The following CLMP variants were observed in gnomAD, a reference collection of about 807,000 sequenced individuals.
The protein encoded by CLMP is CXADR like cell adhesion molecule.
A neutral mutation model predicts 45.2 loss-of-function variants in CLMP; 27 were observed. The ratio of observed to expected loss-of-function variants is 0.60; its 90% confidence interval spans 0.44 to 0.82. The LOEUF (loss-of-function observed/expected upper bound fraction) is 0.82. Among genes scored for constraint, CLMP ranks in the 40% least tolerant of loss-of-function variants. The pLI is 0.00. For synonymous variants in CLMP, 167 were observed against 171.4 expected (o/e 0.97, Z 0.20); for missense variants, 403 against 448.4 (o/e 0.90, Z 0.91).
intron 1 of CLMP, among the ~76,000 whole-genome samples, chr11:123,146,738 C>T (rs1274791214): frequency 6.6e-6 from 1 of 152,114 alleles, no homozygotes; most frequent in Admixed American, 6.5e-5. Flanking sequence ...TCATTGTCAC[C>T]CCCAGACCTG....
chr11:123,179,966 C>T (rs934421697), intron 1 of CLMP, among the ~76,000 whole-genome samples: 1 of 152,200 alleles, frequency 6.6e-6, no homozygotes, highest in African/African-American at 2.4e-5. Flanking sequence ...AGGCCTCACC[C>T]TAGACTTAAA....
intron 1 of CLMP, among the ~76,000 whole-genome samples, chr11:123,099,502 T>C (rs1356607447): frequency 1.3e-5 from 2 of 152,202 alleles, no homozygotes; most frequent in Non-Finnish European, 2.9e-5. Flanking sequence ...AAACAGAGTA[T>C]GTAAATCATC....
In CLMP at chr11:123,128,359, C is replaced by G. The variant is rs936633828; in HGVS notation, c.29-30407G>C. Among the ~76,000 whole-genome samples, 3 of 114,436 alleles carry G rather than the reference C, an allele frequency of 2.6e-5. No homozygotes were observed. In the South Asian group the frequency reaches 7.7e-4, roughly 30 times the overall value. The allele number at this position is 114,436 out of a possible 152,430, so 75.1% of individuals were successfully genotyped here. ...GGCCTGTAATCCTGGCATGGTGGCC[C>G]AGGCCTGTAATGCCAGCATGGTAGC... On this transcript the variant is annotated intron_variant, in intron 1 of 6. Transcript: ENST00000448775.
At chr11:123,123,946 A>G (rs1212313971) in intron 1 of CLMP, among the ~76,000 whole-genome samples, 5 of 152,192 alleles carry the variant, frequency 3.3e-5, no homozygotes, top group African/African-American at 1.2e-4. Flanking sequence ...GGAGAAAGGC[A>G]GGAACGAGCT....
intron 1 of CLMP, among the ~76,000 whole-genome samples, chr11:123,137,814 A>G (rs1861100483): frequency 6.6e-6 from 1 of 152,110 alleles, no homozygotes; most frequent in African/African-American, 2.4e-5. Flanking sequence ...GATTGAAACC[A>G]CATGTGCTGG....
intron 1 of CLMP, among the ~76,000 whole-genome samples, chr11:123,186,819 C>A (rs1366771394): frequency 6.6e-6 from 1 of 152,112 alleles, no homozygotes; most frequent in African/African-American, 2.4e-5. Context: ...CAGAGCCTGG[C>A]CAGAATCTGT....
intron 1 of CLMP, among the ~76,000 whole-genome samples, chr11:123,145,944 C>A (rs1365392742): frequency 2.6e-5 from 4 of 152,210 alleles, no homozygotes; most frequent in African/African-American, 9.6e-5. Flanking sequence ...GAGGGGAAGG[C>A]CCATAACCCC....
intron 5 of CLMP, among the ~76,000 whole-genome samples, chr11:123,080,093 A>C (rs1227347112): frequency 6.6e-6 from 1 of 152,182 alleles, no homozygotes; most frequent in Non-Finnish European, 1.5e-5. Flanking sequence ...TTAAAATAAA[A>C]CATAAAACAT....
chr11:123,120,729 T>C (rs115933133), intron 1 of CLMP, among the ~76,000 whole-genome samples: 3,440 of 152,294 alleles, frequency 0.023, 137 homozygotes, highest in African/African-American at 0.077. Flanking sequence ...TCTTCCATTA[T>C]GTCTCTCAGG....
chr11:123,168,415 A>T (rs1861588325), intron 1 of CLMP, among the ~76,000 whole-genome samples: 1 of 152,140 alleles, frequency 6.6e-6, no homozygotes, highest in Non-Finnish European at 1.5e-5. Flanking sequence ...TTTTCTCTGA[A>T]AGCCCTCTCT....
rs117955833 is a variant in CLMP, at chr11:123,158,417, G to C, written c.28+36496C>G. Among the ~76,000 whole-genome samples, 857 of 152,340 alleles carry C rather than the reference G, an allele frequency of 5.6e-3. 3 individuals are homozygous for C. The highest frequency in any genetic ancestry group is 0.01 in the Non-Finnish European group (696 of 68,030). On this transcript the variant is annotated intron_variant, in intron 1 of 6. Transcript: ENST00000448775. Reference sequence around the variant, plus strand: ...CGAATTCAGGATCGGCGGAAGGTTTGAGTGCCAGTCTCCTCCAATGTTAGA... The same window carrying C: ...CGAATTCAGGATCGGCGGAAGGTTTCAGTGCCAGTCTCCTCCAATGTTAGA...
intron 1 of CLMP, among the ~76,000 whole-genome samples, chr11:123,112,653 T>G (rs1860655866): frequency 6.6e-6 from 1 of 151,720 alleles, no homozygotes; most frequent in East Asian, 2.0e-4. Context: ...CAGGCCAATT[T>G]CATATTTAAA....
chr11:123,145,506 A>C (rs1030434208), intron 1 of CLMP, among the ~76,000 whole-genome samples: 1 of 134,528 alleles, frequency 7.4e-6, no homozygotes, highest in African/African-American at 2.7e-5. Flanking sequence ...CCTGTTGCCC[A>C]AGCTGGAGTG....
intron 1 of CLMP, among the ~76,000 whole-genome samples, chr11:123,125,592 C>CTTCTT (rs1835516088): frequency 7.9e-6 from 1 of 127,352 alleles, no homozygotes; most frequent in African/African-American, 2.8e-5. Flanking sequence ...TCCTTTCTTT[C>CTTCTT]TTCTTTTCTT....
At chr11:123,192,024 A>G (rs541648266) in intron 1 of CLMP, among the ~76,000 whole-genome samples, 61 of 152,348 alleles carry the variant, frequency 4.0e-4, no homozygotes, top group African/African-American at 1.4e-3. Context: ...AGGAAGTGGC[A>G]TTTGAGGTGA....
Position 123,106,816 on chromosome 11 carries a change from C to T in CLMP, c.29-8864G>A, listed in dbSNP as rs189160030. The stretch of plus-strand genomic sequence containing the variant: ...TGGGCGGATCACGAGGTCAGGAGAT[C>T]GAGACCATCCTGGCTAACACAGTGA... On this transcript the variant is annotated intron_variant, in intron 1 of 6. Coordinates refer to ENST00000448775, the MANE Select transcript of CLMP (RefSeq NM_024769.5). Among the ~76,000 whole-genome samples, 912 of 151,812 alleles carry T rather than the reference C, an allele frequency of 6.0e-3. 11 individuals carry two copies. Among genetic ancestry groups the T allele is most frequent in the African/African-American group, 0.02 (832 of 41,416 alleles).
chr11:123,106,145 A>AT lies in CLMP; in HGVS notation c.29-8194dup, dbSNP rs771578861. On this transcript the variant is annotated intron_variant, in intron 1 of 6. Coordinates refer to ENST00000448775, the MANE Select transcript of CLMP (RefSeq NM_024769.5). ...TGAGATTTTATTGTGATTTTATTCTATTTTTTTTTTTAGCTCATCAGCTGT... is the reference window on the plus strand; with the variant it reads ...TGAGATTTTATTGTGATTTTATTCTATTTTTTTTTTTTAGCTCATCAGCTGT... Among the ~76,000 whole-genome samples, 450 of 146,180 alleles carry AT rather than the reference A, an allele frequency of 3.1e-3. 3 individuals carry two copies. The highest frequency in any genetic ancestry group is 7.1e-3 in the Middle Eastern group (2 of 282).
intron 1 of CLMP, among the ~76,000 whole-genome samples, chr11:123,106,032 G>A (rs1170094349): frequency 6.6e-6 from 1 of 152,030 alleles, no homozygotes; most frequent in Non-Finnish European, 1.5e-5. Flanking sequence ...GGCCAGGCTG[G>A]TCTCGAACTC....
chr11:123,090,982 G>A (rs1865925926), intron 2 of CLMP, among the ~76,000 whole-genome samples: 1 of 152,144 alleles, frequency 6.6e-6, no homozygotes, highest in South Asian at 2.1e-4. Context: ...GAAGGTCAGA[G>A]GCCAAAAAAT....
Sources: gnomAD v4.1 joint callset for allele counts (sites outside exome capture counted in the v4.1 genomes callset) on GRCh38, gnomAD v4.1.1 for gene constraint, MANE v1.5 for transcripts, NCBI Gene and HGNC (gene_info 2026-07-23, HGNC 2026-07-21) for gene names.